MED24: variants seen among roughly 807,000 people sequenced by gnomAD.
MED24 encodes the protein mediator of RNA polymerase II transcription subunit 24.
MED24 carries 74 observed loss-of-function variants against 118.8 expected under a neutral mutation model. The ratio of observed to expected loss-of-function variants is 0.62; its 90% confidence interval spans 0.52 to 0.76. The LOEUF (loss-of-function observed/expected upper bound fraction) is 0.76. MED24 is among the 30% of genes least tolerant of loss of function. The pLI is 0.00. For synonymous variants in MED24, 521 were observed against 523.9 expected (o/e 0.99, Z 0.08); for missense variants, 1,041 against 1,278.9 (o/e 0.81, Z 2.84).
At chr17:40,051,600 G>A (rs576760150) in intron 3 of MED24, among the ~76,000 whole-genome samples, 20 of 151,194 alleles carry the variant, frequency 1.3e-4, no homozygotes, top group African/African-American at 4.4e-4. Context: ...GTGACAGAGC[G>A]AAACTCTGCC....
chr17:40,043,516 T>G (rs901204421), intron 3 of MED24, among the ~76,000 whole-genome samples: 4 of 152,060 alleles, frequency 2.6e-5, no homozygotes, highest in Non-Finnish European at 4.4e-5. Context: ...ATGCAGAAAT[T>G]TTTTATGTTT....
chr17:40,050,191 A>G (rs1985684845), intron 3 of MED24, among the ~76,000 whole-genome samples: 2 of 143,034 alleles, frequency 1.4e-5, no homozygotes, highest in Middle Eastern at 4.0e-3. Context: ...CATTCAGGTC[A>G]GGCACGGTGG....
chr17:40,048,438 A>G (rs1003160456), intron 3 of MED24, among the ~76,000 whole-genome samples: 1 of 152,254 alleles, frequency 6.6e-6, no homozygotes, highest in African/African-American at 2.4e-5. Context: ...AACAACTGTA[A>G]TATCTATATA....
At chr17:40,040,540 A>G (rs1984448926) in intron 3 of MED24, among the ~76,000 whole-genome samples, 1 of 151,762 alleles carries the variant, frequency 6.6e-6, no homozygotes, top group Non-Finnish European at 1.5e-5. Context: ...AGAGTTTCCT[A>G]TAGACCCCAC....
Position 40,023,352 on chromosome 17 carries a change from C to CGTCGGCACACATGCGCTCCAGG in MED24, c.2007_2028dup (p.Val677ProfsTer64). On this transcript the variant is annotated frameshift_variant, in exon 20 of 26. Transcript: ENST00000394128. LOFTEE classifies it high-confidence loss of function. ...ATCTGCGTGGCTGTCTGCTGCAGCA[C>CGTCGGCACACATGCGCTCCAGG]GTCGGCACACATGCGCTCCAGGATC... 6.2e-7 allele frequency: 1 copy of CGTCGGCACACATGCGCTCCAGG among 1,611,944 alleles called. No individual in the cohort carries two copies. Among genetic ancestry groups the CGTCGGCACACATGCGCTCCAGG allele is most frequent in the Non-Finnish European group, 8.5e-7 (1 of 1,178,710 alleles).
intron 24 of MED24, 147 bp downstream of exon 24, chr17:40,020,126 G>A (rs1981781240): frequency 1.2e-5 from 12 of 1,020,864 alleles, no homozygotes; most frequent in Admixed American, 4.5e-5. Flanking sequence ...GAGCCTGGGG[G>A]CCAGGACAGC....
intron 3 of MED24, among the ~76,000 whole-genome samples, chr17:40,045,017 A>T (rs1438632449): frequency 2.0e-5 from 3 of 152,212 alleles, no homozygotes; most frequent in African/African-American, 7.2e-5. Flanking sequence ...GTATGTGTAT[A>T]TTCTTCAAAT....
intron 19 of MED24, among the ~76,000 whole-genome samples, chr17:40,025,482 G>A (rs1360914461): frequency 6.6e-6 from 1 of 152,128 alleles, no homozygotes; most frequent in Non-Finnish European, 1.5e-5. Context: ...GTATAAAGTA[G>A]TCAAATTCCT....
chr17:40,035,357 G>C lies in MED24; in HGVS notation c.327-8C>G. 1 of 1,569,898 alleles carries C rather than the reference G, an allele frequency of 6.4e-7. No individual in the cohort carries two copies. Among genetic ancestry groups the C allele is most frequent in the Non-Finnish European group, 8.7e-7 (1 of 1,154,672 alleles). The stretch of plus-strand genomic sequence containing the variant: ...TCTGCTTTGCCGTGACAGCTACAGG[G>C]AAGGATGCAAAATCAGACTCTGTTC... On this transcript the variant is annotated splice_polypyrimidine_tract_variant and splice_region_variant and intron_variant, in intron 5 of 25. Coordinates refer to ENST00000394128, the MANE Select transcript of MED24 (RefSeq NM_014815.4).
In MED24 at chr17:40,035,702, C is replaced by T. The variant is rs1303903650; in HGVS notation, c.326+20G>A. On this transcript the variant is annotated intron_variant, in intron 5 of 25. Coordinates refer to ENST00000394128, the MANE Select transcript of MED24 (RefSeq NM_014815.4). Reference sequence around the variant, plus strand: ...AAGGCTGGAACATTGTATTGTGAGCCCCCTTACCCCTGCCCTTACCTCAGA... The same window carrying T: ...AAGGCTGGAACATTGTATTGTGAGCTCCCTTACCCCTGCCCTTACCTCAGA... The T allele has an allele frequency of 1.9e-6, 3 of 1,610,162 alleles. No homozygotes were observed. The highest frequency in any genetic ancestry group is 1.7e-5 in the Admixed American group (1 of 59,874).
chr17:40,021,988 T>A lies in MED24; in HGVS notation c.2590A>T (p.Asn864Tyr), dbSNP rs1455474809. The A allele has an allele frequency of 1.2e-6, 2 of 1,611,112 alleles. No individual in the cohort carries two copies. The highest frequency in any genetic ancestry group is 1.7e-6 in the Non-Finnish European group (2 of 1,178,618). Residue 864 changes from asparagine (N) to tyrosine (Y), a missense_variant, in exon 23 of 26, where the codon AAT becomes TAT. By Grantham distance (143) the Asn-to-Tyr change is moderately radical. Coordinates refer to ENST00000394128, the MANE Select transcript of MED24 (RefSeq NM_014815.4). Reference protein sequence around the residue: ...PSKLMRLLSSNEDDANILSSP... With the variant: ...PSKLMRLLSSYEDDANILSSP... ...GAAAGGATGTTGGCATCGTCCTCAT[T>A]AGAGCTCAGCAGTCGCATCAACTTC...
At chr17:40,028,030 C>A in intron 14 of MED24, 84 bp from the exon 15 acceptor site, 2 of 1,365,060 alleles carry the variant, frequency 1.5e-6, no homozygotes, top group Non-Finnish European at 1.0e-6. Context: ...GTTCAGAGAG[C>A]GATAGCTAGA....
intron 8 of MED24, 52 bp from the exon 9 acceptor site, chr17:40,032,814 C>T: frequency 6.6e-7 from 1 of 1,513,872 alleles, no homozygotes. Flanking sequence ...ACCCCGTCAC[C>T]CTTCTGTGGA....
intron 11 of MED24, 105 bp downstream of exon 11, chr17:40,031,433 A>G (rs1388856159): frequency 2.3e-6 from 3 of 1,310,308 alleles, no homozygotes; most frequent in Non-Finnish European, 3.3e-6. Flanking sequence ...TGCCAAGGGG[A>G]GTGAACAAGG....
intron 10 of MED24, 101 bp from the exon 11 acceptor site, chr17:40,031,721 C>A: frequency 8.9e-7 from 1 of 1,118,506 alleles, no homozygotes; most frequent in Non-Finnish European, 1.3e-6. Context: ...AGTTGCCTGG[C>A]TGCTTTCTGC....
intron 1 of MED24, chr17:40,053,997 G>A: frequency 3.0e-6 from 1 of 328,082 alleles, no homozygotes; most frequent in South Asian, 3.7e-5. Context: ...GGGCTTGGTG[G>A]TGCATGCCTG....
Position 40,031,523 on chromosome 17 carries a change from C to G in MED24, c.1067+15G>C. 1 of 1,612,054 alleles carries G rather than the reference C, an allele frequency of 6.2e-7. No individual in the cohort carries two copies. The highest frequency in any genetic ancestry group is 1.3e-5 in the African/African-American group (1 of 74,972). ...CGCCTTCCAGTAGGGCGGGGGTGAC[C>G]AGGGGAGCTCATACTTGCAGCGCTG... On this transcript the variant is annotated intron_variant, in intron 11 of 25. Transcript: ENST00000394128.
At chr17:40,050,364 T>C (rs560247319) in intron 3 of MED24, among the ~76,000 whole-genome samples, 4 of 151,720 alleles carry the variant, frequency 2.6e-5, no homozygotes, top group Non-Finnish European at 5.9e-5. Flanking sequence ...GAAGAATCAC[T>C]TGAGCCCAGG....
chr17:40,031,367 G>A (rs1441594861), intron 11 of MED24, 122 bp from the exon 12 acceptor site: 1 of 1,244,064 alleles, frequency 8.0e-7, no homozygotes, highest in Non-Finnish European at 1.2e-6. Context: ...GAGTGCCTGA[G>A]GGACGGTAGA....
Sources: allele counts gnomAD v4.1 joint callset (sites outside exome capture counted in the v4.1 genomes callset), GRCh38; gene constraint gnomAD v4.1.1; transcripts MANE v1.5; gene names NCBI Gene and HGNC (gene_info 2026-07-23, HGNC 2026-07-21).